Variants in ZEB2 observed in about 807,000 individuals in gnomAD.
The protein encoded by ZEB2 is zinc finger E-box-binding homeobox 2.
ZEB2 carries 6 observed loss-of-function variants against 99.9 expected under a neutral mutation model. That is an observed-to-expected ratio of 0.06 (90% CI 0.03 to 0.12). The LOEUF (loss-of-function observed/expected upper bound fraction) is 0.12. Among genes scored for constraint, ZEB2 ranks in the 10% least tolerant of loss-of-function variants. The pLI is 1.00. For missense variants in ZEB2, 969 were observed against 1,502.8 expected, an observed-to-expected ratio of 0.64 and a Z score of 5.87; for synonymous variants, 517 against 542.5, an observed-to-expected ratio of 0.95 and a Z score of 0.65.
intron 1 of ZEB2, chr2:144,517,921 AT>A (rs1414163140): frequency 2.9e-6 from 1 of 343,806 alleles, no homozygotes; most frequent in Non-Finnish European, 5.4e-6. Flanking sequence ...GATAATAGTA[AT>A]TATAGGAAGC....
chr2:144,517,850 GAGGAA>G, intron 1 of ZEB2: 1 of 521,308 alleles, frequency 1.9e-6, no homozygotes, highest in Non-Finnish European at 3.3e-6. Flanking sequence ...CCAATTCCCA[GAGGAA>G]ACAAACAAAC....
chr2:144,519,692 T>C (rs1705234054), intron 1 of ZEB2: 1 of 305,158 alleles, frequency 3.3e-6, no homozygotes, highest in Non-Finnish European at 6.4e-6. Context: ...GGAAATTATT[T>C]GGGGGAGGGA....
intron 2 of ZEB2, among the ~76,000 whole-genome samples, chr2:144,452,187 T>C (rs992117439): frequency 3.3e-5 from 5 of 152,216 alleles, no homozygotes; most frequent in Admixed American, 2.6e-4. Context: ...AATGCCACTT[T>C]GGACCTGATA....
intron 4 of ZEB2, among the ~76,000 whole-genome samples, chr2:144,406,667 G>A (rs112165078): frequency 4.1e-4 from 63 of 152,320 alleles, no homozygotes; most frequent in African/African-American, 1.5e-3. Flanking sequence ...AGGCCATGCA[G>A]CAGGTAAGAG....
chr2:144,404,005 T>G lies in ZEB2; in HGVS notation c.718A>C (p.Asn240His). 1 of 1,614,048 alleles carries G rather than the reference T, an allele frequency of 6.2e-7. No homozygotes were observed. The highest frequency in any genetic ancestry group is 8.5e-7 in the Non-Finnish European group (1 of 1,180,014). The change falls in exon 6 of 10, where the codon AAC becomes CAC. Residue 240 changes from asparagine (N) to histidine (H), a missense_variant. This residue lies in a region of ZEB2 where 65 missense variants were observed against 147.7 expected (regional missense o/e 0.44). Coordinates refer to ENST00000627532, the MANE Select transcript of ZEB2 (RefSeq NM_014795.4). ...TAGCTACAGAGAGGGCAGGAAAAGT[T>G]CTCTTCATTCTTCTCGTGGCGGTAC... ...IKYRHEKNEE[N>H]FSCPLCSYTF... is the part of the protein sequence containing the mutation.
chr2:144,447,025 A>G (rs1560627956), intron 2 of ZEB2, among the ~76,000 whole-genome samples: 1 of 152,098 alleles, frequency 6.6e-6, no homozygotes, highest in East Asian at 1.9e-4. Flanking sequence ...CAAAAAAAAA[A>G]AAAAAAAAGA....
At chr2:144,511,960 AGT>A (rs1264720695) in intron 2 of ZEB2, 16 of 1,287,094 alleles carry the variant, frequency 1.2e-5, no homozygotes, top group Non-Finnish European at 1.6e-5. Context: ...ATTTTCAACT[AGT>A]GTTTCTGCAT....
At chr2:144,519,436 C>T in intron 1 of ZEB2, 1 of 135,298 alleles carries the variant, frequency 7.4e-6, no homozygotes, top group Non-Finnish European at 1.6e-5. Flanking sequence ...AGAGGATGAA[C>T]TGCCATGTCT....
intron 2 of ZEB2, among the ~76,000 whole-genome samples, chr2:144,473,541 G>A (rs1704388088): frequency 6.6e-6 from 1 of 152,152 alleles, no homozygotes; most frequent in Admixed American, 6.5e-5. Flanking sequence ...GGGATTGCAG[G>A]CATGTACAAT....
intron 2 of ZEB2, among the ~76,000 whole-genome samples, chr2:144,452,614 G>A (rs900721849): frequency 1.3e-5 from 2 of 152,148 alleles, no homozygotes; most frequent in African/African-American, 2.4e-5. Flanking sequence ...ATTGCAGATC[G>A]TGTCAACTAA....
intron 2 of ZEB2, among the ~76,000 whole-genome samples, chr2:144,432,847 T>G (rs1051296541): frequency 1.3e-5 from 2 of 152,184 alleles, no homozygotes; most frequent in Admixed American, 6.5e-5. Context: ...AGAGATTCAA[T>G]TTTGTATAAT....
At chr2:144,400,542 C>A (rs1224296938) in intron 7 of ZEB2, among the ~76,000 whole-genome samples, 1 of 152,162 alleles carries the variant, frequency 6.6e-6, no homozygotes, top group African/African-American at 2.4e-5. Flanking sequence ...TCGGCAGCCT[C>A]CTATTTAAAC....
chr2:144,412,905 A>C (rs1703484762), intron 4 of ZEB2, among the ~76,000 whole-genome samples: 1 of 152,172 alleles, frequency 6.6e-6, no homozygotes, highest in Non-Finnish European at 1.5e-5. Flanking sequence ...TTGTGTCACC[A>C]GCACCTAGCA....
chr2:144,517,265 G>A lies in ZEB2; in HGVS notation c.73+13C>T. ...TAGTGGCCCGGAAAAGTTTGGTTCGGGCTGCTTCTTACCGTTTTTCCTCCT... is the reference window on the plus strand; with the variant it reads ...TAGTGGCCCGGAAAAGTTTGGTTCGAGCTGCTTCTTACCGTTTTTCCTCCT... On this transcript the variant is annotated intron_variant, in intron 2 of 9. Transcript: ENST00000627532. 6.2e-7 allele frequency: 1 copy of A among 1,613,342 alleles called. No individual in the cohort carries two copies.
Position 144,401,273 on chromosome 2 carries a change from T to C in ZEB2, c.842A>G (p.Lys281Arg), listed in dbSNP as rs1182449763. 6.2e-7 allele frequency: 1 copy of C among 1,614,178 alleles called. No homozygotes were observed. Among genetic ancestry groups the C allele is most frequent in the Admixed American group, 1.7e-5 (1 of 60,032 alleles). The change falls in exon 7 of 10, where the codon AAG (lysine) becomes AGG (arginine). Residue 281 changes from lysine to arginine, a missense_variant. By Grantham distance (26) the Lys-to-Arg change is conservative. Transcript: ENST00000627532. ...CTTGCCACACTCTGTGCATTTGAAC[T>C]TGCGATTACCTGCTCCTTGGGTTAG... ...QMLTQGAGNR[K>R]FKCTECGKAF... is the part of the protein sequence containing the mutation.
chr2:144,398,687 T>C lies in ZEB2; in HGVS notation c.2500A>G (p.Lys834Glu). ...ATGCTACTAGCTTTTGTTTTGTTCTTTGTGGCTATAATACTTTTGGGTTCT... is the reference window on the plus strand; with the variant it reads ...ATGCTACTAGCTTTTGTTTTGTTCTCTGTGGCTATAATACTTTTGGGTTCT... ...MKEPKSIIAT[K>E]NKTKASSISL... is the part of the protein sequence containing the mutation. The change falls in exon 8 of 10, where the codon AAG becomes GAG. Residue 834 changes from lysine (K) to glutamate (E), a missense_variant. Coordinates refer to ENST00000627532, the MANE Select transcript of ZEB2 (RefSeq NM_014795.4). The C allele has an allele frequency of 1.2e-6, 2 of 1,614,048 alleles. No individual in the cohort carries two copies. The highest frequency in any genetic ancestry group is 8.5e-7 in the Non-Finnish European group (1 of 1,180,000).
In ZEB2 at chr2:144,385,434, TC is replaced by T. The variant is rs2149870475; in HGVS notation, c.*4016del. 6.6e-6 allele frequency: 1 copy of T among 152,272 alleles called. No homozygotes were observed. The highest frequency in any genetic ancestry group is 2.1e-4 in the South Asian group (1 of 4,818). The allele number at this position is 152,272 out of a possible 1,614,324, so 9.4% of individuals were successfully genotyped here. A position where few individuals can be genotyped will look rare whatever the true frequency, so the allele number is the denominator to read the frequency against. On this transcript the variant is annotated 3_prime_UTR_variant, in exon 10 of 10. Transcript: ENST00000627532. ...TGAATTCTTTGGTGTTTTTTCCCCC[TC>T]TTTTTTTAGTGCTATGATTGATGAA...
intron 2 of ZEB2, among the ~76,000 whole-genome samples, chr2:144,436,449 G>A (rs1703838555): frequency 6.6e-6 from 1 of 152,122 alleles, no homozygotes; most frequent in African/African-American, 2.4e-5. Flanking sequence ...GATTAGCTAT[G>A]TAAAAAAATA....
chr2:144,484,682 G>A (rs1475585495), intron 2 of ZEB2, among the ~76,000 whole-genome samples: 1 of 152,098 alleles, frequency 6.6e-6, no homozygotes, highest in Non-Finnish European at 1.5e-5. Context: ...CAACCTTCCT[G>A]TCTTCTCCTC....
Sources: allele counts gnomAD v4.1 joint callset (sites outside exome capture counted in the v4.1 genomes callset), GRCh38; gene constraint gnomAD v4.1.1; regional missense constraint gnomAD v4.1.1; transcripts MANE v1.5; gene names NCBI Gene and HGNC (gene_info 2026-07-23, HGNC 2026-07-21).